The following L3MBTL4 variants were observed in gnomAD, a reference collection of about 807,000 sequenced individuals.
The protein encoded by L3MBTL4 is lethal(3)malignant brain tumor-like protein 4.
L3MBTL4 carries 70 observed loss-of-function variants against 84.5 expected under a neutral mutation model. The ratio of observed to expected loss-of-function variants is 0.83; its 90% CI spans 0.68 to 1.01. L3MBTL4 has a LOEUF of 1.01. Among genes scored for constraint, L3MBTL4 ranks in the 50% least tolerant of loss-of-function variants. The pLI is 0.00. For synonymous variants in L3MBTL4, 274 were observed against 259.8 expected (o/e 1.05, Z -0.52); for missense variants, 715 against 754.8 (o/e 0.95, Z 0.62).
At chr18:6,239,132 G>A (rs1468036121) in intron 9 of L3MBTL4, among the ~76,000 whole-genome samples, 2 of 151,940 alleles carry the variant, frequency 1.3e-5, no homozygotes, top group African/African-American at 4.8e-5. Context: ...ACGAGGTCAG[G>A]AGATCGAGAC....
At chr18:6,038,924 T>G (rs908291112) in intron 16 of L3MBTL4, among the ~76,000 whole-genome samples, 2 of 151,720 alleles carry the variant, frequency 1.3e-5, no homozygotes, top group African/African-American at 2.4e-5. Context: ...TTATATGGGG[T>G]CATAAGGGTG....
At chr18:6,070,512 C>CAAA (rs35237218) in intron 16 of L3MBTL4, among the ~76,000 whole-genome samples, 10 of 132,576 alleles carry the variant, frequency 7.5e-5, no homozygotes, top group African/African-American at 2.7e-4. Flanking sequence ...AAAACTTACT[C>CAAA]AAAAAAAAAA....
chr18:6,351,667 T>G (rs2053198795), intron 1 of L3MBTL4, among the ~76,000 whole-genome samples: 2 of 152,034 alleles, frequency 1.3e-5, no homozygotes, highest in Non-Finnish European at 2.9e-5. Flanking sequence ...TTCTCCTGCC[T>G]CAGCCTCCCG....
chr18:6,234,559 CA>C (rs2047136319), intron 10 of L3MBTL4, among the ~76,000 whole-genome samples: 4 of 151,736 alleles, frequency 2.6e-5, no homozygotes, highest in Admixed American at 2.6e-4. Context: ...AATGGACACA[CA>C]AAAAAATGCT....
At chr18:6,001,588 G>T (rs2054217027) in intron 16 of L3MBTL4, among the ~76,000 whole-genome samples, 1 of 151,878 alleles carries the variant, frequency 6.6e-6, no homozygotes, top group Admixed American at 6.6e-5. Context: ...AAAATACGTG[G>T]TATATGAAAA....
chr18:6,316,346 T>C (rs111251195), intron 1 of L3MBTL4, among the ~76,000 whole-genome samples: 2 of 152,166 alleles, frequency 1.3e-5, no homozygotes, highest in South Asian at 4.1e-4. Context: ...GAAGGGGAAG[T>C]GCACCACATC....
At chr18:6,128,469 C>T (rs1030329469) in intron 14 of L3MBTL4, among the ~76,000 whole-genome samples, 21 of 152,046 alleles carry the variant, frequency 1.4e-4, no homozygotes, top group African/African-American at 5.1e-4. Context: ...CAGGGAGGTG[C>T]AGTTCTTGCA....
At chr18:6,013,834 T>G (rs2054843013) in intron 16 of L3MBTL4, among the ~76,000 whole-genome samples, 1 of 152,240 alleles carries the variant, frequency 6.6e-6, no homozygotes, top group South Asian at 2.1e-4. Flanking sequence ...GAGTGAGTGA[T>G]AAAAGGGATT....
intron 12 of L3MBTL4, among the ~76,000 whole-genome samples, chr18:6,207,396 T>C (rs1014979387): frequency 6.6e-6 from 1 of 152,246 alleles, no homozygotes; most frequent in Non-Finnish European, 1.5e-5. Context: ...TTTCTGCGCC[T>C]ATTTCCTTAC....
At chr18:6,122,392 T>C (rs975988159) in intron 14 of L3MBTL4, among the ~76,000 whole-genome samples, 6 of 152,156 alleles carry the variant, frequency 3.9e-5, no homozygotes, top group Admixed American at 1.3e-4. Context: ...AATTCCCACA[T>C]GTTGTGGGAG....
At chr18:6,055,951 C>T (rs1489364062) in intron 16 of L3MBTL4, among the ~76,000 whole-genome samples, 1 of 152,124 alleles carries the variant, frequency 6.6e-6, no homozygotes, top group Non-Finnish European at 1.5e-5. Flanking sequence ...GAACCATAAT[C>T]TAATCACTAT....
At chr18:6,318,770 G>GA in intron 1 of L3MBTL4, among the ~76,000 whole-genome samples, 1 of 151,866 alleles carries the variant, frequency 6.6e-6, no homozygotes, top group Non-Finnish European at 1.5e-5. Flanking sequence ...CTACATGATA[G>GA]AACAAATGAA....
At chr18:6,045,633 A>C (rs1374082109) in intron 16 of L3MBTL4, among the ~76,000 whole-genome samples, 7 of 152,160 alleles carry the variant, frequency 4.6e-5, no homozygotes, top group Non-Finnish European at 7.3e-5. Flanking sequence ...CAGCATAGGA[A>C]AGACCTGCCT....
chr18:5,979,419 T>C (rs2053108789), intron 16 of L3MBTL4, among the ~76,000 whole-genome samples: 1 of 152,158 alleles, frequency 6.6e-6, no homozygotes, highest in African/African-American at 2.4e-5. Flanking sequence ...AATGGAATGA[T>C]CCCTGCCAGA....
At chr18:6,303,198 TCACTGCAACCAC>T (rs1388342365) in intron 3 of L3MBTL4, among the ~76,000 whole-genome samples, 1 of 152,030 alleles carries the variant, frequency 6.6e-6, no homozygotes. Context: ...CAATCTCGGC[TCACTGCAACCAC>T]CACCTCCCAG....
At chr18:6,221,494 C>T (rs1210913905) in intron 10 of L3MBTL4, among the ~76,000 whole-genome samples, 1 of 150,120 alleles carries the variant, frequency 6.7e-6, no homozygotes, top group Non-Finnish European at 1.5e-5. Context: ...CTCAATTCTA[C>T]TGATGAGGAA....
intron 16 of L3MBTL4, among the ~76,000 whole-genome samples, chr18:5,971,551 G>A (rs1051862445): frequency 6.6e-6 from 1 of 152,134 alleles, no homozygotes; most frequent in Non-Finnish European, 1.5e-5. Context: ...TTATATATTG[G>A]AAGAACAAAT....
chr18:6,196,394 T>C (rs1245035248), intron 12 of L3MBTL4, among the ~76,000 whole-genome samples: 2 of 152,128 alleles, frequency 1.3e-5, no homozygotes, highest in East Asian at 3.9e-4. Flanking sequence ...CCTGACCTCA[T>C]GATCTGCCCA....
In L3MBTL4 at chr18:6,005,552, G is replaced by A. The variant is rs148774967; in HGVS notation, c.1445-35990C>T. Reference sequence around the variant, plus strand: ...CTCTTCCTTGTGTCCATATGAACTCGATGTTTAGCTCCCACTAATAAGTGA... The same window carrying A: ...CTCTTCCTTGTGTCCATATGAACTCAATGTTTAGCTCCCACTAATAAGTGA... On this transcript the variant is annotated intron_variant, in intron 16 of 18. Coordinates refer to ENST00000317931, the MANE Select transcript of L3MBTL4 (RefSeq NM_001330559.2). Among the ~76,000 whole-genome samples, 467 of 152,184 alleles carry A rather than the reference G, an allele frequency of 3.1e-3. 1 individual carries two copies. The highest frequency in any genetic ancestry group is 0.011 in the African/African-American group (444 of 41,522).
Sources: allele counts gnomAD v4.1 joint callset (sites outside exome capture counted in the v4.1 genomes callset), GRCh38; gene constraint gnomAD v4.1.1; transcripts MANE v1.5; gene names NCBI Gene and HGNC (gene_info 2026-07-23, HGNC 2026-07-21).